VWC2L: variants seen among roughly 807,000 people sequenced by gnomAD.
VWC2L encodes von Willebrand factor C domain containing 2 like, also known as von Willebrand factor C domain-containing protein 2-like.
Under a neutral mutation model 21.6 loss-of-function variants are expected in VWC2L, and 10 were observed. That is an observed-to-expected ratio of 0.46 (90% CI 0.29 to 0.78). The LOEUF is 0.78. VWC2L is among the 30% of genes least tolerant of loss of function. The pLI is 0.10. For synonymous variants in VWC2L, 96 were observed against 94.3 expected (o/e 1.02, Z -0.10); for missense variants, 209 against 277.1 (o/e 0.75, Z 1.74).
intron 3 of VWC2L, among the ~76,000 whole-genome samples, chr2:214,520,600 A>G (rs1689222326): frequency 6.6e-6 from 1 of 152,194 alleles, no homozygotes; most frequent in African/African-American, 2.4e-5. Context: ...TGCTTTCCAG[A>G]AAGGTTATAC....
chr2:214,512,365 G>A (rs1030251721), intron 3 of VWC2L, among the ~76,000 whole-genome samples: 1 of 152,092 alleles, frequency 6.6e-6, no homozygotes, highest in African/African-American at 2.4e-5. Context: ...AGAATACATG[G>A]ACATATAGAG....
At chr2:214,463,177 TTCTA>T (rs150181000) in intron 3 of VWC2L, among the ~76,000 whole-genome samples, 185 of 152,296 alleles carry the variant, frequency 1.2e-3, no homozygotes, top group African/African-American at 3.3e-3. Flanking sequence ...CTTATTAATA[TTCTA>T]TCTATTTTAT....
intron 3 of VWC2L, among the ~76,000 whole-genome samples, chr2:214,461,061 G>A (rs572148705): frequency 1.3e-5 from 2 of 152,310 alleles, no homozygotes; most frequent in African/African-American, 4.8e-5. Flanking sequence ...TCAGTGACTT[G>A]GGCTGCAGTT....
chr2:214,540,670 A>T (rs1435329987), intron 3 of VWC2L, among the ~76,000 whole-genome samples: 2 of 152,202 alleles, frequency 1.3e-5, no homozygotes. Context: ...TGCAGACCTC[A>T]TCTGAATTAG....
chr2:214,427,841 CTGTAT>C (rs1702547994), intron 2 of VWC2L, among the ~76,000 whole-genome samples: 1 of 152,112 alleles, frequency 6.6e-6, no homozygotes, highest in South Asian at 2.1e-4. Flanking sequence ...GTTCATTATA[CTGTAT>C]TGTTTAGTAA....
intron 2 of VWC2L, among the ~76,000 whole-genome samples, chr2:214,419,252 G>C (rs1702398964): frequency 6.6e-6 from 1 of 152,034 alleles, no homozygotes; most frequent in Non-Finnish European, 1.5e-5. Flanking sequence ...TTTCTTTTAT[G>C]TGCACCCCGG....
chr2:214,470,314 C>T (rs919599699), intron 3 of VWC2L, among the ~76,000 whole-genome samples: 2 of 151,524 alleles, frequency 1.3e-5, no homozygotes, highest in African/African-American at 4.8e-5. Context: ...GAACACAACT[C>T]TCCTCATTCT....
chr2:214,452,344 G>T (rs192655497), intron 3 of VWC2L, among the ~76,000 whole-genome samples: 180 of 152,142 alleles, frequency 1.2e-3, no homozygotes, highest in African/African-American at 4.1e-3. Flanking sequence ...ACAGGTTTTT[G>T]CCATGTTGCC....
At chr2:214,450,690 T>C (rs994499129) in intron 3 of VWC2L, among the ~76,000 whole-genome samples, 1 of 152,092 alleles carries the variant, frequency 6.6e-6, no homozygotes, top group Non-Finnish European at 1.5e-5. Flanking sequence ...CTGGGAGAGA[T>C]GCCTGTAGGA....
intron 3 of VWC2L, among the ~76,000 whole-genome samples, chr2:214,484,473 A>G (rs1043306653): frequency 6.6e-6 from 1 of 152,092 alleles, no homozygotes; most frequent in Admixed American, 6.6e-5. Context: ...TGGTTCCCTC[A>G]TGTATTCAGT....
intron 3 of VWC2L, among the ~76,000 whole-genome samples, chr2:214,455,178 T>C (rs554885225): frequency 1.3e-5 from 2 of 152,320 alleles, no homozygotes; most frequent in South Asian, 4.1e-4. Context: ...AAATGTTTGA[T>C]AGAATTCACC....
chr2:214,545,441 G>T (rs889079852), intron 3 of VWC2L, among the ~76,000 whole-genome samples: 1 of 152,106 alleles, frequency 6.6e-6, no homozygotes, highest in African/African-American at 2.4e-5. Flanking sequence ...AAATATGAGA[G>T]TAACACATGG....
At chr2:214,561,582 T>C (rs1689971494) in intron 3 of VWC2L, among the ~76,000 whole-genome samples, 1 of 151,904 alleles carries the variant, frequency 6.6e-6, no homozygotes. Context: ...TCATGTTGCC[T>C]GAGCAACATG....
chr2:214,416,222 A>T (rs1449230753), intron 2 of VWC2L, among the ~76,000 whole-genome samples: 2 of 152,090 alleles, frequency 1.3e-5, no homozygotes, highest in Non-Finnish European at 2.9e-5. Flanking sequence ...TTAACTCACT[A>T]TTGAAAATGC....
Position 214,414,141 on chromosome 2 carries a change from G to A in VWC2L, c.-53G>A. On this transcript the variant is annotated 5_prime_UTR_variant, in exon 2 of 4. Coordinates refer to ENST00000312504, the MANE Select transcript of VWC2L (RefSeq NM_001080500.4). ...TACCCCTCTTGTATTCCCATGGAAG[G>A]AGCTGAGTATATTTAATATTAGGAG... 1 of 1,554,284 alleles carries A rather than the reference G, an allele frequency of 6.4e-7. No individual in the cohort carries two copies. The highest frequency in any genetic ancestry group is 8.7e-7 in the Non-Finnish European group (1 of 1,155,602).
At chr2:214,545,521 CCAAA>C (rs764649522) in intron 3 of VWC2L, among the ~76,000 whole-genome samples, 2 of 152,014 alleles carry the variant, frequency 1.3e-5, no homozygotes, top group African/African-American at 2.4e-5. Context: ...AATATTAAGT[CCAAA>C]CAAAGTAAAT....
intron 3 of VWC2L, among the ~76,000 whole-genome samples, chr2:214,547,412 AT>A (rs1182213736): frequency 6.6e-6 from 1 of 152,160 alleles, no homozygotes; most frequent in African/African-American, 2.4e-5. Flanking sequence ...TCGACATATA[AT>A]TCAGTGCAAG....
chr2:214,437,555 C>T (rs1215226317), intron 3 of VWC2L, among the ~76,000 whole-genome samples: 2 of 152,210 alleles, frequency 1.3e-5, no homozygotes, highest in East Asian at 3.9e-4. Flanking sequence ...GGCCACATTC[C>T]ACAAATGTTC....
rs953864904 is a variant in VWC2L at position 214,471,356 on chromosome 2, CAATGGACCAAGGCAG to C, written c.520+34605_520+34619del. ...ACTAAAGTTGAACGAACAAATCAAT[CAATGGACCAAGGCAG>C]AATGGATAAAGTACAACTGTTTTAT... On this transcript the variant is annotated intron_variant, in intron 3 of 3. Coordinates refer to ENST00000312504, the MANE Select transcript of VWC2L (RefSeq NM_001080500.4). Among the ~76,000 whole-genome samples, 3 of 152,266 alleles carry C rather than the reference CAATGGACCAAGGCAG, an allele frequency of 2.0e-5. No individual in the cohort carries two copies. In the East Asian group the frequency reaches 5.8e-4, roughly 29 times the overall value.
Sources: allele counts gnomAD v4.1 joint callset (sites outside exome capture counted in the v4.1 genomes callset), GRCh38; gene constraint gnomAD v4.1.1; transcripts MANE v1.5; gene names NCBI Gene and HGNC (gene_info 2026-07-23, HGNC 2026-07-21).